The following ERI1 variants were observed in gnomAD, a reference collection of about 807,000 sequenced individuals.
The protein encoded by ERI1 is 3'-5' exoribonuclease 1.
Under a neutral mutation model 39.7 loss-of-function variants are expected in ERI1, and 39 were observed. The ratio of observed to expected loss-of-function variants is 0.98; its 90% CI spans 0.76 to 1.28. The LOEUF (loss-of-function observed/expected upper bound fraction) is 1.28, where lower values mean the gene tolerates loss of function less well. ERI1 is among the 50% of genes most tolerant of loss of function. The pLI is 0.00. For missense variants in ERI1, 581 were observed against 416.9 expected (o/e 1.39, Z -3.43); for synonymous variants, 204 against 149.6 (o/e 1.36, Z -2.65).
intron 3 of ERI1, among the ~76,000 whole-genome samples, chr8:9,046,724 G>A (rs943871013): frequency 6.6e-6 from 1 of 152,204 alleles, no homozygotes; most frequent in Non-Finnish European, 1.5e-5. Context: ...TATTAGCTTG[G>A]TACAAAGAAC....
At chr8:9,028,562 G>A (rs1797351338) in intron 6 of ERI1, among the ~76,000 whole-genome samples, 1 of 152,122 alleles carries the variant, frequency 6.6e-6, no homozygotes, top group African/African-American at 2.4e-5. Context: ...CAAAATAGTT[G>A]TACAAACTAC....
intron 3 of ERI1, among the ~76,000 whole-genome samples, chr8:9,060,216 G>A (rs1246914173): frequency 6.6e-6 from 1 of 152,164 alleles, no homozygotes; most frequent in African/African-American, 2.4e-5. Context: ...TTATTGGACT[G>A]TATAGAGGTG....
intron 2 of ERI1, chr8:9,008,915 C>G (rs555618373): frequency 2.3e-6 from 1 of 433,314 alleles, no homozygotes; most frequent in African/African-American, 2.0e-5. Flanking sequence ...TATTCTTCCT[C>G]TTTAGAGTTT....
chr8:9,096,367 TGTC>T (rs1799877622), intron 3 of ERI1, among the ~76,000 whole-genome samples: 1 of 151,922 alleles, frequency 6.6e-6, no homozygotes, highest in Non-Finnish European at 1.5e-5. Flanking sequence ...AAACAAGGGG[TGTC>T]TGAGGACACC....
chr8:9,046,977 G>C (rs1306480220), intron 3 of ERI1, among the ~76,000 whole-genome samples: 2 of 152,176 alleles, frequency 1.3e-5, no homozygotes, highest in African/African-American at 2.4e-5. Context: ...CTGTGAACTG[G>C]GCTGAGATTT....
At chr8:9,098,959 G>C (rs551187088) in intron 3 of ERI1, among the ~76,000 whole-genome samples, 1 of 151,812 alleles carries the variant, frequency 6.6e-6, no homozygotes, top group Non-Finnish European at 1.5e-5. Flanking sequence ...TCAGCTTCCC[G>C]AGTAGCTGGG....
At chr8:9,099,450 C>A (rs528216827) in intron 3 of ERI1, among the ~76,000 whole-genome samples, 1 of 151,608 alleles carries the variant, frequency 6.6e-6, no homozygotes, top group South Asian at 2.1e-4. Context: ...AAAAAATTAG[C>A]CAGGTGTGGT....
intron 6 of ERI1, among the ~76,000 whole-genome samples, chr8:9,023,308 T>C (rs13249731): frequency 0.14 from 21,314 of 152,194 alleles, 1,634 homozygotes; most frequent in African/African-American, 0.17. Flanking sequence ...TCTCTGTCTT[T>C]TGTATTTCAT....
intron 3 of ERI1, among the ~76,000 whole-genome samples, chr8:9,053,876 C>T (rs559918728): frequency 7.9e-5 from 12 of 152,348 alleles, no homozygotes; most frequent in African/African-American, 2.4e-4. Flanking sequence ...CAGAGAACCA[C>T]GTTCAAATCA....
chr8:9,020,852 G>A (rs1350628437), intron 6 of ERI1, among the ~76,000 whole-genome samples: 1 of 152,170 alleles, frequency 6.6e-6, no homozygotes, highest in Admixed American at 6.5e-5. Flanking sequence ...TTCTGCCATA[G>A]CCTTCACCAG....
chr8:9,037,909 A>C (rs1797903269), downstream of ERI1, among the ~76,000 whole-genome samples: 1 of 147,854 alleles, frequency 6.8e-6, no homozygotes, highest in African/African-American at 2.5e-5. Flanking sequence ...AAAAAAAAAA[A>C]TCTGCTCCAA....
chr8:9,037,824 G>C (rs866188989), downstream of ERI1, among the ~76,000 whole-genome samples: 7 of 150,620 alleles, frequency 4.6e-5, no homozygotes, highest in Admixed American at 4.7e-4. Flanking sequence ...TTTCCCCCTA[G>C]GTGCCAGGAA....
intron 2 of ERI1, chr8:9,009,116 GC>G (rs1450680804): frequency 1.5e-5 from 7 of 455,578 alleles, no homozygotes; most frequent in African/African-American, 1.2e-4. Flanking sequence ...CTCCTGGCTT[GC>G]GTGGGAGCTA....
intron 3 of ERI1, among the ~76,000 whole-genome samples, chr8:9,093,987 T>A (rs550459692): frequency 6.6e-6 from 1 of 152,352 alleles, no homozygotes; most frequent in East Asian, 1.9e-4. Context: ...TAAAGGAAAC[T>A]TCTTTTTTAT....
intron 3 of ERI1, among the ~76,000 whole-genome samples, chr8:9,074,260 G>A (rs1026610408): frequency 2.6e-5 from 4 of 151,342 alleles, no homozygotes; most frequent in Non-Finnish European, 5.9e-5. Context: ...ACAGGCACCC[G>A]CCACCATGCC....
intron 3 of ERI1, among the ~76,000 whole-genome samples, chr8:9,053,239 A>C (rs1334872593): frequency 6.6e-6 from 1 of 152,032 alleles, no homozygotes; most frequent in African/African-American, 2.4e-5. Context: ...CTGGTCTCGA[A>C]CTCCTGACCT....
chr8:9,047,126 C>T (rs1563355274), intron 3 of ERI1, among the ~76,000 whole-genome samples: 1 of 152,210 alleles, frequency 6.6e-6, no homozygotes, highest in Non-Finnish European at 1.5e-5. Flanking sequence ...AGCCTGCATG[C>T]CCTGACCATC....
At chr8:9,014,296 CCTT>C (rs1048620701) in intron 3 of ERI1, among the ~76,000 whole-genome samples, 2 of 152,144 alleles carry the variant, frequency 1.3e-5, no homozygotes, top group African/African-American at 4.8e-5. Context: ...ATGTTTTTCT[CCTT>C]CTCTCCCTCC....
At chr8:9,082,701 C>T (rs1799405500) in intron 3 of ERI1, among the ~76,000 whole-genome samples, 1 of 152,154 alleles carries the variant, frequency 6.6e-6, no homozygotes, top group Non-Finnish European at 1.5e-5. Flanking sequence ...TCTCCTTCCC[C>T]ATTTCCCTTC....
Sources: allele counts gnomAD v4.1 joint callset (sites outside exome capture counted in the v4.1 genomes callset), GRCh38; gene constraint gnomAD v4.1.1; transcripts MANE v1.5; gene names NCBI Gene and HGNC (gene_info 2026-07-23, HGNC 2026-07-21).